The following TMTC4 variants were observed in gnomAD, a reference collection of about 807,000 sequenced individuals.
TMTC4 encodes protein O-mannosyl-transferase TMTC4.
Under a neutral mutation model 86.0 loss-of-function variants are expected in TMTC4, and 65 were observed. The observed-to-expected ratio is 0.76, with a 90% CI of 0.62 to 0.93. The LOEUF is 0.93. Ranked by LOEUF, TMTC4 falls within the 40% of genes least tolerant of loss-of-function variation. TMTC4 has a pLI of 0.00. For synonymous variants in TMTC4, 379 were observed against 382.5 expected (o/e 0.99, Z 0.11); for missense variants, 866 against 948.1 (o/e 0.91, Z 1.14).
intron 12 of TMTC4, among the ~76,000 whole-genome samples, chr13:100,632,053 A>ACACCCTCTCTCT (rs1296569630): frequency 2.3e-5 from 1 of 43,110 alleles, no homozygotes; most frequent in Non-Finnish European, 4.7e-5. Context: ...ACACACACAC[A>ACACCCTCTCTCT]CTCTCTCTCT....
intron 15 of TMTC4, among the ~76,000 whole-genome samples, chr13:100,622,619 C>CT (rs2138783792): frequency 6.6e-6 from 1 of 152,238 alleles, no homozygotes; most frequent in East Asian, 1.9e-4. Flanking sequence ...TGCCTTTCAC[C>CT]TTCCACCTTG....
intron 13 of TMTC4, 46 bp from the exon 14 acceptor site, chr13:100,625,938 T>A: frequency 6.2e-7 from 1 of 1,600,926 alleles, no homozygotes. Context: ...TGCTCAATAG[T>A]AAGTTTTTAC....
chr13:100,663,326 T>A (rs183892838), intron 4 of TMTC4, 146 bp from the exon 5 acceptor site: 13 of 727,276 alleles, frequency 1.8e-5, no homozygotes, highest in Non-Finnish European at 7.1e-6. Context: ...AGCATCAAGA[T>A]AAATAATGCC....
At chr13:100,646,728 G>C (rs1211183513) in intron 6 of TMTC4, among the ~76,000 whole-genome samples, 1 of 152,146 alleles carries the variant, frequency 6.6e-6, no homozygotes, top group Non-Finnish European at 1.5e-5. Flanking sequence ...GATCCATCAA[G>C]CAAACTAAGG....
At chr13:100,667,582 G>A (rs555106392) in intron 3 of TMTC4, among the ~76,000 whole-genome samples, 1 of 152,128 alleles carries the variant, frequency 6.6e-6, no homozygotes, top group Admixed American at 6.5e-5. Flanking sequence ...CATATAGAGA[G>A]TTCTTCTCAA....
At chr13:100,646,566 T>C (rs1328846612) in intron 6 of TMTC4, among the ~76,000 whole-genome samples, 5 of 152,198 alleles carry the variant, frequency 3.3e-5, no homozygotes, top group South Asian at 2.1e-4. Flanking sequence ...TCTGGGTTGT[T>C]AGATTATTCT....
In TMTC4 at chr13:100,625,872, T is replaced by C; in HGVS notation, c.1607A>G (p.His536Arg). 2 of 1,613,368 alleles carry C rather than the reference T, an allele frequency of 1.2e-6. No individual in the cohort carries two copies. The highest frequency in any genetic ancestry group is 1.7e-6 in the Non-Finnish European group (2 of 1,179,934). Reference protein sequence around the residue: ...EAVRLNPKYVHAMNNLGNILK... With the variant: ...EAVRLNPKYVRAMNNLGNILK... ...GATATTTCCAAGATTATTCATGGCA[T>C]GAACATACTTGGGATTTAATCTGAA... Residue 536 changes from histidine (H) to arginine (R), a missense_variant, in exon 14 of 19, where the codon CAT becomes CGT. Coordinates refer to ENST00000342624, the MANE Select transcript of TMTC4 (RefSeq NM_032813.5).
Position 100,663,200 on chromosome 13 carries a change from T to C in TMTC4, c.336-20A>G. ...TTAATCCTGCAGAAACACAGGGTGT[T>C]CAGGGTACACGCGCAGCGGCATGCG... On this transcript the variant is annotated intron_variant, in intron 4 of 18. Transcript: ENST00000342624. 6.2e-7 allele frequency: 1 copy of C among 1,612,404 alleles called. No individual in the cohort carries two copies.
rs775709412 is a variant in TMTC4 at position 100,625,444 on chromosome 13, T to C, written c.1836+91A>G. The C allele has an allele frequency of 2.7e-5, 40 of 1,504,756 alleles. 1 individual carries two copies. In the Middle Eastern group the frequency reaches 5.1e-4, roughly 19 times the overall value. 93.2% of individuals were successfully genotyped at this position (1,504,756 alleles called of 1,614,324 possible). The stretch of plus-strand genomic sequence containing the variant: ...ATGTGAAAGAACTTTATAAAATGTA[T>C]GGGCTAGGTGGGTGTCACTATGTCA... On this transcript the variant is annotated intron_variant, in intron 15 of 18. Transcript: ENST00000342624.
intron 4 of TMTC4, among the ~76,000 whole-genome samples, 195 bp downstream of exon 4, chr13:100,664,026 T>C (rs901239420): frequency 3.9e-5 from 6 of 152,056 alleles, no homozygotes; most frequent in African/African-American, 1.4e-4. Flanking sequence ...ACACCACCAA[T>C]GTGCACGTCA....
chr13:100,633,417 C>G (rs1309316390), intron 12 of TMTC4, among the ~76,000 whole-genome samples: 5 of 151,550 alleles, frequency 3.3e-5, no homozygotes, highest in Non-Finnish European at 5.9e-5. Flanking sequence ...AACAACAAAT[C>G]CAGCAGATAG....
chr13:100,669,276 T>C (rs532766715), intron 2 of TMTC4, among the ~76,000 whole-genome samples: 1 of 152,310 alleles, frequency 6.6e-6, no homozygotes, highest in South Asian at 2.1e-4. Flanking sequence ...GGTCTATTTG[T>C]AGCATTCAGG....
chr13:100,670,721 G>A (rs1403988417), intron 1 of TMTC4, 152 bp from the exon 2 acceptor site: 5 of 222,228 alleles, frequency 2.2e-5, no homozygotes, highest in Non-Finnish European at 2.6e-5. Context: ...GGCCGAGGCC[G>A]GTGGATGGCT....
chr13:100,642,664 T>C (rs1382262898), intron 6 of TMTC4, among the ~76,000 whole-genome samples: 2 of 152,164 alleles, frequency 1.3e-5, no homozygotes, highest in Non-Finnish European at 2.9e-5. Flanking sequence ...TTGAGAACTC[T>C]CACTGAGACT....
intron 3 of TMTC4, among the ~76,000 whole-genome samples, chr13:100,666,916 G>A (rs932149703): frequency 3.9e-5 from 6 of 152,340 alleles, no homozygotes; most frequent in African/African-American, 1.2e-4. Context: ...CTTGAGCCCA[G>A]GCATCGGAGG....
chr13:100,659,609 C>T (rs1219605657), intron 5 of TMTC4, among the ~76,000 whole-genome samples: 2 of 152,026 alleles, frequency 1.3e-5, no homozygotes, highest in Non-Finnish European at 2.9e-5. Context: ...TGAAGAGCCA[C>T]CAGCAGACCA....
At chr13:100,606,750 G>T (rs1204789001) in intron 17 of TMTC4, among the ~76,000 whole-genome samples, 1 of 152,174 alleles carries the variant, frequency 6.6e-6, no homozygotes, top group Admixed American at 6.5e-5. Flanking sequence ...GAGGCCCAGG[G>T]AACAGGAGAA....
At position 100,668,800 on chromosome 13, in the gene TMTC4, G is replaced by A. The variant is rs1886712762; in HGVS notation, c.4-6C>T. On this transcript the variant is annotated splice_region_variant and splice_polypyrimidine_tract_variant and intron_variant, in intron 2 of 18. Transcript: ENST00000342624. ...GCATTATGCTGGTTAGGAATCTGCA[G>A]GAAAAACAACACTGTATAAATATTC... 3 of 1,613,842 alleles carry A rather than the reference G, an allele frequency of 1.9e-6. No homozygotes were observed. The highest frequency in any genetic ancestry group is 1.1e-5 in the South Asian group (1 of 91,048).
At chr13:100,674,200 G>GCCGCT (rs1334378921) in intron 1 of TMTC4, 56 of 981,974 alleles carry the variant, frequency 5.7e-5, no homozygotes, top group East Asian at 1.2e-4. Context: ...CCGCGCTCGC[G>GCCGCT]CCGCTCCGCT....
Sources: allele counts gnomAD v4.1 joint callset (sites outside exome capture counted in the v4.1 genomes callset), GRCh38; gene constraint gnomAD v4.1.1; transcripts MANE v1.5; gene names NCBI Gene and HGNC (gene_info 2026-07-23, HGNC 2026-07-21).